XPO1: variants seen among roughly 807,000 people sequenced by gnomAD.
The protein encoded by XPO1 is exportin 1, also known as exportin-1.
In XPO1, 5 loss-of-function variants were observed where a neutral mutation model predicts 133.3. That is an observed-to-expected ratio of 0.04 (90% CI 0.02 to 0.08). The LOEUF is 0.08. Among genes scored for constraint, XPO1 ranks in the 10% least tolerant of loss-of-function variants. XPO1 has a pLI of 1.00. For missense variants in XPO1, 506 were observed against 1,267.5 expected (o/e 0.40, Z 9.12); for synonymous variants, 419 against 408.2 (o/e 1.03, Z -0.32).
intron 24 of XPO1, among the ~76,000 whole-genome samples, chr2:61,479,887 G>T (rs1369417853): frequency 6.6e-6 from 1 of 151,384 alleles, no homozygotes; most frequent in Admixed American, 6.6e-5. Context: ...TCTTTTGAGA[G>T]GCAGTCTTGC....
rs1279855372 is a variant in XPO1, at chr2:61,478,926, T to C, written c.3110A>G (p.Glu1037Gly). The C allele has an allele frequency of 6.2e-7, 1 of 1,614,120 alleles. No individual in the cohort carries two copies. Reference sequence around the variant, plus strand: ...AGCCTGCCGTAGGGCTATTTCTCTCTCTTCCAAAAACAAATCAGAAGTGTC... The same window carrying C: ...AGCCTGCCGTAGGGCTATTTCTCTCCCTTCCAAAAACAAATCAGAAGTGTC... ...GEDTSDLFLEEREIALRQADE... is the reference protein window; with the variant it reads ...GEDTSDLFLEGREIALRQADE... Residue 1037 changes from glutamate (E) to glycine (G), a missense_variant, in exon 25 of 25, where the codon GAG becomes GGG. Around this residue, in one of 6 missense-constraint regions of XPO1, gnomAD observed 203 missense variants for 365.9 expected, o/e 0.55. Transcript: ENST00000401558.
In XPO1 at chr2:61,483,784, T is replaced by C. The variant is rs1696533185; in HGVS notation, c.2677+153A>G. 8.6e-6 allele frequency: 7 copies of C among 817,136 alleles called. 1 individual carries two copies. The South Asian group carries it at 1.3e-4, about 15-fold the overall frequency. The allele number at this position is 817,136 out of a possible 1,614,324, so 50.6% of individuals were successfully genotyped here. On this transcript the variant is annotated intron_variant, in intron 21 of 24. Transcript: ENST00000401558. ...ACTCACTTGGAGTGGAGTGGAACAG[T>C]TGATTAAACTGCTTATAGGATTTTC...
chr2:61,536,100 C>T (rs898948201), intron 1 of XPO1: 4 of 152,216 alleles, frequency 2.6e-5, no homozygotes, highest in Non-Finnish European at 4.4e-5. Flanking sequence ...TTATAAAATT[C>T]TCCGAACTAG....
intron 23 of XPO1, among the ~76,000 whole-genome samples, chr2:61,481,887 C>G (rs1257257003): frequency 1.3e-5 from 2 of 152,040 alleles, no homozygotes; most frequent in African/African-American, 4.8e-5. Context: ...AGGCACCCAC[C>G]ACCATGCCCA....
chr2:61,518,726 A>C (rs910437850), intron 4 of XPO1, among the ~76,000 whole-genome samples: 2 of 152,184 alleles, frequency 1.3e-5, no homozygotes, highest in Non-Finnish European at 1.5e-5. Flanking sequence ...TAAAGTGACT[A>C]AAACAGCCAA....
chr2:61,483,448 G>C (rs1696505933), intron 21 of XPO1: 2 of 204,688 alleles, frequency 9.8e-6, no homozygotes, highest in African/African-American at 2.4e-5. Flanking sequence ...ACATAAAGTA[G>C]AGTTCATACT....
Position 61,488,777 on chromosome 2 carries a change from AG to A in XPO1, c.2023-7del, listed in dbSNP as rs1696814293. On this transcript the variant is annotated splice_region_variant and splice_polypyrimidine_tract_variant and intron_variant, in intron 17 of 24. Transcript: ENST00000401558. Reference sequence around the variant, plus strand: ...TCTTTCAGTATATCCACATTCTTGGAGGAAAAAAAGCAAATTCCATTTATCA... The same window carrying A: ...TCTTTCAGTATATCCACATTCTTGGAGAAAAAAAGCAAATTCCATTTATCA... 1.9e-6 allele frequency: 3 copies of A among 1,611,076 alleles called. No homozygotes were observed. The highest frequency in any genetic ancestry group is 1.7e-6 in the Non-Finnish European group (2 of 1,178,892).
At chr2:61,482,930 A>C in intron 22 of XPO1, 27 bp downstream of exon 22, 1 of 1,612,714 alleles carries the variant, frequency 6.2e-7, no homozygotes, top group Non-Finnish European at 8.5e-7. Flanking sequence ...GCTGGCACTT[A>C]ACATTTAAAT....
intron 4 of XPO1, among the ~76,000 whole-genome samples, chr2:61,518,022 T>C (rs1199382635): frequency 1.3e-5 from 2 of 151,826 alleles, no homozygotes; most frequent in Non-Finnish European, 2.9e-5. Flanking sequence ...CCCAGCTACT[T>C]GGGAGACTGA....
chr2:61,529,368 G>A (rs937408239), intron 2 of XPO1, among the ~76,000 whole-genome samples: 6 of 152,050 alleles, frequency 3.9e-5, no homozygotes, highest in Admixed American at 1.3e-4. Context: ...TAAAACAATC[G>A]TATGCTCGGG....
intron 4 of XPO1, chr2:61,502,611 G>C: frequency 4.3e-6 from 1 of 231,162 alleles, no homozygotes; most frequent in South Asian, 5.7e-5. Context: ...AAATTAACTG[G>C]GCGTGGTGGC....
intron 4 of XPO1, among the ~76,000 whole-genome samples, chr2:61,510,877 G>C (rs1314667111): frequency 6.7e-6 from 1 of 148,260 alleles, no homozygotes; most frequent in Non-Finnish European, 1.5e-5. Context: ...GTTGAGGCTA[G>C]AGTTAAGCCA....
Position 61,533,862 on chromosome 2 carries a change from T to A in XPO1, c.36A>T (p.Ala12=), listed in dbSNP as rs774828373. 1 of 1,606,694 alleles carries A rather than the reference T, an allele frequency of 6.2e-7. No homozygotes were observed. The highest frequency in any genetic ancestry group is 1.3e-5 in the African/African-American group (1 of 74,636). The change falls in exon 2 of 25, where the codon GCA becomes GCT. Residue 12 remains alanine, a synonymous_variant. Coordinates refer to ENST00000401558, the MANE Select transcript of XPO1 (RefSeq NM_003400.4). ...GGCTGAAATCAAGCAGCTGACGAGC[T>A]GCATGGTCTGCTAACATTGTCATAA... ...PAIMTMLADH[A]ARQLLDFSQK...
rs1491506588 is a variant in XPO1, at chr2:61,482,033, C to CTTTTTTTTTTTTTTT, written c.2972+346_2972+347insAAAAAAAAAAAAAAA. The stretch of plus-strand genomic sequence containing the variant: ...TACAGTCATGAGCCACCGTGCGTGG[C>CTTTTTTTTTTTTTTT]CTTTTTTTTTTTTTTTTTTTTTTTG... On this transcript the variant is annotated intron_variant, in intron 23 of 24. Coordinates refer to ENST00000401558, the MANE Select transcript of XPO1 (RefSeq NM_003400.4). Among the ~76,000 whole-genome samples, 223 of 86,804 alleles carry CTTTTTTTTTTTTTTT rather than the reference C, an allele frequency of 2.6e-3. 51 individuals are homozygous for CTTTTTTTTTTTTTTT. Among genetic ancestry groups the CTTTTTTTTTTTTTTT allele is most frequent in the Non-Finnish European group, 3.6e-3 (146 of 40,024 alleles). The allele number at this position is 86,804 out of a possible 152,430, so 56.9% of individuals were successfully genotyped here.
intron 4 of XPO1, among the ~76,000 whole-genome samples, chr2:61,505,468 T>C (rs1475867715): frequency 6.6e-6 from 1 of 151,268 alleles, no homozygotes; most frequent in Admixed American, 6.6e-5. Context: ...CTAGGCTCAC[T>C]GACACGGCCG....
At chr2:61,490,972 T>C (rs1194772648) in intron 16 of XPO1, among the ~76,000 whole-genome samples, 196 bp from the exon 17 acceptor site, 1 of 152,160 alleles carries the variant, frequency 6.6e-6, no homozygotes, top group Non-Finnish European at 1.5e-5. Context: ...CTGACCAACG[T>C]GGTGAAACCC....
At chr2:61,509,728 A>G (rs775941969) in intron 4 of XPO1, among the ~76,000 whole-genome samples, 2 of 152,250 alleles carry the variant, frequency 1.3e-5, no homozygotes, top group Non-Finnish European at 2.9e-5. Flanking sequence ...GAAAAAGCCC[A>G]AAGTCTGGAA....
chr2:61,530,325 T>A (rs1699094789), intron 2 of XPO1, among the ~76,000 whole-genome samples: 1 of 152,196 alleles, frequency 6.6e-6, no homozygotes, highest in South Asian at 2.1e-4. Context: ...GCATTCTGAT[T>A]TATTCTAATC....
Position 61,482,941 on chromosome 2 carries a change from C to T in XPO1, c.2812+16G>A, listed in dbSNP as rs367849582. ...CCCAGCTGGCACTTAACATTTAAATCGTATTAAATTCTTACCAGCAGTATG... is the reference window on the plus strand; with the variant it reads ...CCCAGCTGGCACTTAACATTTAAATTGTATTAAATTCTTACCAGCAGTATG... On this transcript the variant is annotated intron_variant, in intron 22 of 24. Transcript: ENST00000401558. 1 of 1,612,848 alleles carries T rather than the reference C, an allele frequency of 6.2e-7. No individual in the cohort carries two copies.
Sources: gnomAD v4.1 joint callset for allele counts (sites outside exome capture counted in the v4.1 genomes callset) on GRCh38, gnomAD v4.1.1 for gene constraint, gnomAD v4.1.1 regional missense constraint, MANE v1.5 for transcripts, NCBI Gene and HGNC (gene_info 2026-07-23, HGNC 2026-07-21) for gene names.